BMS1: variants seen among roughly 807,000 people sequenced by gnomAD.
The protein encoded by BMS1 is ribosome biogenesis protein BMS1 homolog.
A neutral mutation model predicts 138.7 loss-of-function variants in BMS1; 53 were observed. The observed-to-expected ratio is 0.38, with a 90% CI of 0.31 to 0.48. The LOEUF (loss-of-function observed/expected upper bound fraction) is 0.48. Ranked by LOEUF, BMS1 falls within the 20% of genes least tolerant of loss-of-function variation. The pLI, the probability that BMS1 is intolerant of heterozygous loss-of-function variation, is 0.97. For missense variants in BMS1, 1,360 were observed against 1,565.5 expected (o/e 0.87, Z 2.22); for synonymous variants, 504 against 539.9 (o/e 0.93, Z 0.92).
chr10:42,784,599 T>G (rs777900208), intron 2 of BMS1, 29 bp downstream of exon 2: 1 of 1,461,524 alleles, frequency 6.8e-7, no homozygotes, highest in Non-Finnish European at 9.0e-7. Context: ...TGGTCATTCT[T>G]CCATTGATTC....
intron 13 of BMS1, among the ~76,000 whole-genome samples, chr10:42,807,521 G>A (rs1297582805): frequency 1.3e-5 from 2 of 152,048 alleles, no homozygotes; most frequent in African/African-American, 4.8e-5. Context: ...CCCAGTCTGG[G>A]GTGCAGTGGT....
At chr10:42,813,694 A>G (rs1440314145) in intron 13 of BMS1, among the ~76,000 whole-genome samples, 7 of 152,288 alleles carry the variant, frequency 4.6e-5, no homozygotes, top group Non-Finnish European at 1.0e-4. Flanking sequence ...TCCCTTCTGC[A>G]TAAGAACTTT....
intron 13 of BMS1, among the ~76,000 whole-genome samples, chr10:42,809,090 G>A (rs1361683369): frequency 6.6e-6 from 1 of 152,088 alleles, no homozygotes; most frequent in African/African-American, 2.4e-5. Context: ...AGATCAGTTT[G>A]GGGGGATAAT....
At position 42,797,002 on chromosome 10, in the gene BMS1, G is replaced by A. The variant is rs755706258; in HGVS notation, c.1758G>A (p.Glu586=). The A allele has an allele frequency of 3.1e-6, 5 of 1,614,162 alleles. No homozygotes were observed. The highest frequency in any genetic ancestry group is 4.2e-6 in the Non-Finnish European group (5 of 1,180,022). The change falls in exon 10 of 23, where the codon GAG becomes GAA. Residue 586 remains glutamate (E), a synonymous_variant. Transcript: ENST00000374518. ...TFDSGHCTAE[E]VFASEDESEE... is the part of the protein sequence containing the mutation. The stretch of plus-strand genomic sequence containing the variant: ...ATTCTGGGCATTGCACAGCTGAAGA[G>A]GTGTTTGCATCTGAAGATGAATCTG...
intron 13 of BMS1, among the ~76,000 whole-genome samples, chr10:42,816,169 G>A (rs1050258461): frequency 7.9e-5 from 12 of 152,060 alleles, no homozygotes; most frequent in South Asian, 4.2e-4. Context: ...CTTGGTGGCG[G>A]GTGCCTATAA....
chr10:42,796,827 A>T lies in BMS1; in HGVS notation c.1583A>T (p.Glu528Val). ...GAAGCTGATGAAAGCAGTGAAGAAG[A>T]GGACTGCACTGCAGGAGAGAAGGGC... ...AEEADESSEE[E>V]DCTAGEKGIS... is the part of the protein sequence containing the mutation. The change falls in exon 10 of 23, where the codon GAG becomes GTG. Residue 528 changes from glutamate to valine, a missense_variant. Coordinates refer to ENST00000374518, the MANE Select transcript of BMS1 (RefSeq NM_014753.4). 6.2e-7 allele frequency: 1 copy of T among 1,614,236 alleles called. No individual in the cohort carries two copies.
intron 8 of BMS1, among the ~76,000 whole-genome samples, chr10:42,793,417 C>A (rs113075508): frequency 1.3e-5 from 2 of 152,064 alleles, no homozygotes; most frequent in Non-Finnish European, 2.9e-5. Flanking sequence ...ACGGCCCATC[C>A]CCGTTTCTAC....
At chr10:42,827,866 C>A (rs543038265) in intron 21 of BMS1, among the ~76,000 whole-genome samples, 1 of 152,158 alleles carries the variant, frequency 6.6e-6, no homozygotes, top group Non-Finnish European at 1.5e-5. Flanking sequence ...GCATCACTCC[C>A]TCTTAAACTT....
chr10:42,830,461 T>C (rs1189392880), intron 22 of BMS1, 39 bp downstream of exon 22: 2 of 1,570,362 alleles, frequency 1.3e-6, no homozygotes, highest in Non-Finnish European at 1.7e-6. Flanking sequence ...TGCGTTTAGA[T>C]AGGAAAAGAA....
rs150622758 is a variant in BMS1, at chr10:42,793,934, G to A, written c.1172G>A (p.Arg391Gln). 50 of 1,611,748 alleles carry A rather than the reference G, an allele frequency of 3.1e-5. No individual in the cohort carries two copies. Among genetic ancestry groups the A allele is most frequent in the Non-Finnish European group, 3.9e-5 (46 of 1,179,828 alleles). ...STIDAKMASS[R>Q]VTLFSDSKPL... ...ATTGATGCCAAGATGGCTTCAAGTC[G>A]AGTGACGCTGTTTTCTGATTCCAAG... Residue 391 changes from arginine (R) to glutamine (Q), a missense_variant, in exon 9 of 23, where the codon CGA becomes CAA. Coordinates refer to ENST00000374518, the MANE Select transcript of BMS1 (RefSeq NM_014753.4).
intron 17 of BMS1, 61 bp from the exon 18 acceptor site, chr10:42,820,873 T>C: frequency 7.0e-7 from 1 of 1,428,502 alleles, no homozygotes; most frequent in South Asian, 1.1e-5. Context: ...ATATCCAGTA[T>C]GTTAAACTAG....
chr10:42,786,331 G>A (rs1361528121), intron 3 of BMS1, among the ~76,000 whole-genome samples: 1 of 152,170 alleles, frequency 6.6e-6, no homozygotes, highest in Non-Finnish European at 1.5e-5. Flanking sequence ...AACTTCCAGT[G>A]GTAGAATGGC....
intron 13 of BMS1, among the ~76,000 whole-genome samples, chr10:42,815,339 T>C (rs1842315483): frequency 1.3e-5 from 2 of 152,226 alleles, no homozygotes; most frequent in Admixed American, 6.5e-5. Flanking sequence ...CTATTCCTTT[T>C]GTCCTTTGGT....
chr10:42,795,969 G>A (rs1841671546), intron 9 of BMS1, among the ~76,000 whole-genome samples: 1 of 152,140 alleles, frequency 6.6e-6, no homozygotes, highest in Non-Finnish European at 1.5e-5. Context: ...TGCCTATGCT[G>A]GCCCAGATTT....
intron 3 of BMS1, among the ~76,000 whole-genome samples, 163 bp from the exon 4 acceptor site, chr10:42,787,004 AT>A (rs1841355247): frequency 6.6e-6 from 1 of 152,128 alleles, no homozygotes; most frequent in African/African-American, 2.4e-5. Context: ...AATGGAATTT[AT>A]TTTATTTTAT....
At chr10:42,828,757 T>C (rs1842727056) in intron 21 of BMS1, among the ~76,000 whole-genome samples, 1 of 152,154 alleles carries the variant, frequency 6.6e-6, no homozygotes, top group Non-Finnish European at 1.5e-5. Context: ...GTGTTCAGTT[T>C]TGTAATAAGA....
At chr10:42,802,289 A>G (rs1841895743) in intron 13 of BMS1, 71 bp downstream of exon 13, 5 of 1,351,928 alleles carry the variant, frequency 3.7e-6, no homozygotes, top group Admixed American at 3.9e-5. Context: ...ATCTTAGACA[A>G]TAGTCAAATT....
In BMS1 at chr10:42,831,156, A is replaced by C; in HGVS notation, c.*60A>C. On this transcript the variant is annotated 3_prime_UTR_variant, in exon 23 of 23. Transcript: ENST00000374518. ...GGAGGTAGACAGTTTCAAACATCACAGTTTGAATGCCTGTGAATGACAAGT... is the reference window on the plus strand; with the variant it reads ...GGAGGTAGACAGTTTCAAACATCACCGTTTGAATGCCTGTGAATGACAAGT... The C allele has an allele frequency of 1.4e-6, 2 of 1,453,868 alleles. No homozygotes were observed. Among genetic ancestry groups the C allele is most frequent in the Non-Finnish European group, 1.9e-6 (2 of 1,076,606 alleles). The allele number at this position is 1,453,868 out of a possible 1,614,324, so 90.1% of individuals were successfully genotyped here.
rs111321926 is a variant in BMS1, at chr10:42,828,884, A to T, written c.3457-1377A>T. Among the ~76,000 whole-genome samples the T allele has an allele frequency of 5.7e-3, 873 of 152,298 alleles. 11 individuals carry two copies. Among genetic ancestry groups the T allele is most frequent in the African/African-American group, 0.019 (805 of 41,558 alleles). ...CCGTCTTACATGAATTTTTATTAAA[A>T]TACACTTCAGGATGTGGTGCCCATT... On this transcript the variant is annotated intron_variant, in intron 21 of 22. Coordinates refer to ENST00000374518, the MANE Select transcript of BMS1 (RefSeq NM_014753.4).
Sources: allele counts gnomAD v4.1 joint callset (sites outside exome capture counted in the v4.1 genomes callset), GRCh38; gene constraint gnomAD v4.1.1; transcripts MANE v1.5; gene names NCBI Gene and HGNC (gene_info 2026-07-23, HGNC 2026-07-21).